The following RACGAP1 variants were observed in gnomAD, a reference collection of about 807,000 sequenced individuals.
RACGAP1 encodes the protein rac GTPase-activating protein 1.
A neutral mutation model predicts 78.1 loss-of-function variants in RACGAP1; 30 were observed. That is an observed-to-expected ratio of 0.38 (90% CI 0.29 to 0.52). The LOEUF (loss-of-function observed/expected upper bound fraction) is 0.52, where lower values mean the gene tolerates loss of function less well. Among genes scored for constraint, RACGAP1 ranks in the 20% least tolerant of loss-of-function variants. The probability of loss-of-function intolerance (pLI) is 0.82; values close to 1 mark genes in which losing one functional copy is unlikely to be tolerated. For synonymous variants in RACGAP1, 231 were observed against 264.8 expected (o/e 0.87, Z 1.24); for missense variants, 587 against 777.1 (o/e 0.76, Z 2.91).
chr12:50,027,447 A>G (rs1950289121), upstream of RACGAP1, among the ~76,000 whole-genome samples: 1 of 152,226 alleles, frequency 6.6e-6, no homozygotes, highest in Non-Finnish European at 1.5e-5. Flanking sequence ...TTGTGTGAAT[A>G]GGAATTTACA....
At chr12:49,992,748 T>C in intron 12 of RACGAP1, 93 bp from the exon 13 acceptor site, 4 of 888,794 alleles carry the variant, frequency 4.5e-6, no homozygotes, top group Non-Finnish European at 6.9e-6. Flanking sequence ...ATCTATACAG[T>C]AAGCTTCTGA....
intron 2 of RACGAP1, among the ~76,000 whole-genome samples, chr12:50,015,042 CAAAA>C (rs35573059): frequency 1.7e-5 from 2 of 120,988 alleles, no homozygotes; most frequent in African/African-American, 3.3e-5. Flanking sequence ...GATTCTGTCT[CAAAA>C]AAAAAAAAAA....
rs296737 is a variant in RACGAP1 at position 49,992,232 on chromosome 12, C to T, written c.1578+13G>A. 1,427,557 of 1,613,696 alleles carry T rather than the reference C, an allele frequency of 0.88. 647,848 individuals are homozygous for T. The highest frequency in any genetic ancestry group is 0.93 in the Non-Finnish European group (1,093,756 of 1,179,940). On this transcript the variant is annotated intron_variant, in intron 14 of 16. Coordinates refer to ENST00000312377, the MANE Select transcript of RACGAP1 (RefSeq NM_001319999.2). ...ACACAAGTTCACATACACACACACA[C>T]GCACCTGCCTACCTTGGGTTGACGC...
At position 49,992,048 on chromosome 12, in the gene RACGAP1, A is replaced by C; in HGVS notation, c.1664T>G (p.Val555Gly). 6.2e-7 allele frequency: 1 copy of C among 1,614,116 alleles called. No homozygotes were observed. Among genetic ancestry groups the C allele is most frequent in the Non-Finnish European group, 8.5e-7 (1 of 1,180,014 alleles). Residue 555 changes from valine to glycine, a missense_variant, in exon 15 of 17, where the codon GTC (valine) becomes GGC (glycine). Physicochemically the swap from Val to Gly is moderately radical, Grantham distance 109 (BLOSUM62 -3). Coordinates refer to ENST00000312377, the MANE Select transcript of RACGAP1 (RefSeq NM_001319999.2). ...VEQENIDPLH[V>G]IENSNAFSTP... ...TGAAAAGGCATTTGAGTTTTCAATGACATGTAGGGGGTCAATGTTCTCTTG... is the reference window on the plus strand; with the variant it reads ...TGAAAAGGCATTTGAGTTTTCAATGCCATGTAGGGGGTCAATGTTCTCTTG...
chr12:50,003,604 A>C (rs1949617935), intron 5 of RACGAP1, among the ~76,000 whole-genome samples: 1 of 152,222 alleles, frequency 6.6e-6, no homozygotes, highest in African/African-American at 2.4e-5. Context: ...GAAAAGATGC[A>C]CAAATCAATG....
chr12:49,994,031 G>A (rs1948082907), intron 12 of RACGAP1, 100 bp downstream of exon 12: 4 of 1,175,824 alleles, frequency 3.4e-6, no homozygotes, highest in East Asian at 2.6e-5. Flanking sequence ...GCGAGAGTGA[G>A]ACTCTGTCTA....
chr12:50,005,334 T>G lies in RACGAP1; in HGVS notation c.347A>C (p.Gln116Pro). 6.2e-7 allele frequency: 1 copy of G among 1,614,232 alleles called. No homozygotes were observed. The highest frequency in any genetic ancestry group is 8.5e-7 in the Non-Finnish European group (1 of 1,180,028). Reference sequence around the variant, plus strand: ...AGCTGATTTTTGCTCCTCGCTTAGTTGAATGCTGCCAGATGTGTCACACAT... The same window carrying G: ...AGCTGATTTTTGCTCCTCGCTTAGTGGAATGCTGCCAGATGTGTCACACAT... ...MLMCDTSGSI[Q>P]LSEEQKSALA... Residue 116 changes from glutamine (Q) to proline (P), a missense_variant, in exon 4 of 17, where the codon CAA becomes CCA. Gln to Pro is a moderately conservative substitution (Grantham distance 76). Coordinates refer to ENST00000312377, the MANE Select transcript of RACGAP1 (RefSeq NM_001319999.2).
upstream of RACGAP1, among the ~76,000 whole-genome samples, chr12:50,026,231 A>G (rs770105008): frequency 2.0e-5 from 3 of 152,216 alleles, no homozygotes; most frequent in Non-Finnish European, 2.9e-5. Context: ...CAAAGTACCC[A>G]GAACTCACTA....
At chr12:50,001,284 T>A in intron 6 of RACGAP1, 32 bp from the exon 7 acceptor site, 1 of 1,524,312 alleles carries the variant, frequency 6.6e-7, no homozygotes, top group Non-Finnish European at 9.1e-7. Context: ...GTAACTTTAA[T>A]GCCAAGCAGA....
Position 49,991,473 on chromosome 12 carries a change from ATATATATTTTTTT to A in RACGAP1, c.1714+512_1714+524del, listed in dbSNP as rs1308440258. Among the ~76,000 whole-genome samples, 3 of 30,390 alleles carry A rather than the reference ATATATATTTTTTT, an allele frequency of 9.9e-5. 1 individual carries two copies. The highest frequency in any genetic ancestry group is 2.6e-4 in the Non-Finnish European group (3 of 11,696). The allele number at this position is 30,390 out of a possible 152,430, so 19.9% of individuals were successfully genotyped here. A position where few individuals can be genotyped will look rare whatever the true frequency, so the allele number is the denominator to read the frequency against. ...TTTAAACTATTATATATATATATAT[ATATATATTTTTTT>A]TTTTTTTTTTTTTTTTTTTTTAGAC... On this transcript the variant is annotated intron_variant, in intron 15 of 16. Coordinates refer to ENST00000312377, the MANE Select transcript of RACGAP1 (RefSeq NM_001319999.2).
chr12:50,026,137 T>G (rs1390022767), upstream of RACGAP1, among the ~76,000 whole-genome samples: 1 of 152,262 alleles, frequency 6.6e-6, no homozygotes, highest in East Asian at 1.9e-4. Context: ...GCTTTCATGC[T>G]TTTTAAAAAC....
chr12:50,005,830 T>C lies in RACGAP1; in HGVS notation c.289-438A>G, dbSNP rs1161033551. 3.3e-5 allele frequency among the ~76,000 whole-genome samples: 5 copies of C among 152,280 alleles called. No individual in the cohort carries two copies. The East Asian group carries it at 5.8e-4, about 18-fold the overall frequency. On this transcript the variant is annotated intron_variant, in intron 3 of 16. Transcript: ENST00000312377. ...CTATAATGCACTGGAACCAGACAAT[T>C]TGAGTTTACTGAGGCATCTAACACT...
intron 4 of RACGAP1, 34 bp from the exon 5 acceptor site, chr12:50,004,338 G>A: frequency 6.4e-7 from 1 of 1,561,174 alleles, no homozygotes. Context: ...GTTAGACATG[G>A]TAGACTGTGG....
intron 1 of RACGAP1, among the ~76,000 whole-genome samples, chr12:50,019,245 C>T (rs1436521910): frequency 2.0e-5 from 3 of 152,152 alleles, no homozygotes; most frequent in African/African-American, 7.2e-5. Flanking sequence ...TCCAGTCCTT[C>T]CCCTACTGCT....
chr12:50,009,079 C>A (rs946567511), intron 2 of RACGAP1, among the ~76,000 whole-genome samples: 2 of 151,700 alleles, frequency 1.3e-5, no homozygotes, highest in Admixed American at 6.6e-5. Flanking sequence ...TAGTTCAAGG[C>A]CAGCCTGGCC....
intron 7 of RACGAP1, among the ~76,000 whole-genome samples, chr12:50,000,547 C>G (rs1948610862): frequency 1.3e-5 from 2 of 152,232 alleles, no homozygotes; most frequent in African/African-American, 4.8e-5. Context: ...GTGGGAAGAT[C>G]ACTTGAGCCC....
chr12:49,990,404 T>A, intron 16 of RACGAP1, 61 bp from the exon 17 acceptor site: 2 of 1,403,818 alleles, frequency 1.4e-6, no homozygotes, highest in Non-Finnish European at 2.0e-6. Flanking sequence ...AATAAACAAC[T>A]ATAATATTAC....
chr12:50,019,695 A>AAAATAAT (rs1555178716), intron 1 of RACGAP1: 2 of 140,662 alleles, frequency 1.4e-5, no homozygotes, highest in Non-Finnish European at 3.1e-5. Context: ...CCCTTCTCTT[A>AAAATAAT]AAATAAATAA....
chr12:50,005,355 C>T lies in RACGAP1; in HGVS notation c.326G>A (p.Cys109Tyr). 6.2e-7 allele frequency: 1 copy of T among 1,614,182 alleles called. No homozygotes were observed. The highest frequency in any genetic ancestry group is 8.5e-7 in the Non-Finnish European group (1 of 1,180,026). The change falls in exon 4 of 17, where the codon TGT becomes TAT. Residue 109 changes from cysteine to tyrosine, a missense_variant. By Grantham distance (194) the Cys-to-Tyr change is radical. Coordinates refer to ENST00000312377, the MANE Select transcript of RACGAP1 (RefSeq NM_001319999.2). Reference sequence around the variant, plus strand: ...TAGTTGAATGCTGCCAGATGTGTCACACATGAGCATCTCTCGAATCAGCTG... The same window carrying T: ...TAGTTGAATGCTGCCAGATGTGTCATACATGAGCATCTCTCGAATCAGCTG... ...QIQLIREMLM[C>Y]DTSGSIQLSE...
Sources: gnomAD v4.1 joint callset for allele counts (sites outside exome capture counted in the v4.1 genomes callset) on GRCh38, gnomAD v4.1.1 for gene constraint, MANE v1.5 for transcripts, NCBI Gene and HGNC (gene_info 2026-07-23, HGNC 2026-07-21) for gene names.